SNX14: variants seen among roughly 807,000 people sequenced by gnomAD.
SNX14 encodes sorting nexin-14.
In SNX14, 93 loss-of-function variants were observed where a neutral mutation model predicts 133.8. The ratio of observed to expected loss-of-function variants is 0.70; its 90% confidence interval spans 0.59 to 0.83. SNX14 has a LOEUF of 0.83. Among genes scored for constraint, SNX14 ranks in the 40% least tolerant of loss-of-function variants. The probability of loss-of-function intolerance (pLI) is 0.00; values close to 1 mark genes in which losing one functional copy is unlikely to be tolerated. For synonymous variants in SNX14, 368 were observed against 365.6 expected, an observed-to-expected ratio of 1.01 and a Z score of -0.07; for missense variants, 945 against 1,094.9, an observed-to-expected ratio of 0.86 and a Z score of 1.93.
At position 85,518,035 on chromosome 6, in the gene SNX14, T is replaced by C. The variant is rs1450391712; in HGVS notation, c.2121A>G (p.Lys707=). 2 of 1,605,162 alleles carry C rather than the reference T, an allele frequency of 1.2e-6. No homozygotes were observed. The highest frequency in any genetic ancestry group is 1.7e-6 in the Non-Finnish European group (2 of 1,174,842). ...LPDVNLGKII[K]SVPGKLMKEK... ...CTTTCATTAGTTTTCCAGGAACAGA[T>C]TTTATAATTTTCCCTGCAATTAAAA... Residue 707 remains lysine (K), a synonymous_variant, in exon 22 of 29, where the codon AAA becomes AAG. Coordinates refer to ENST00000314673, the MANE Select transcript of SNX14 (RefSeq NM_153816.6).
At chr6:85,573,894 AC>A (rs2128201009) in intron 2 of SNX14, among the ~76,000 whole-genome samples, 1 of 152,320 alleles carries the variant, frequency 6.6e-6, no homozygotes, top group Non-Finnish European at 1.5e-5. Context: ...AATAGAGGAC[AC>A]CCTAAAATTG....
intron 7 of SNX14, among the ~76,000 whole-genome samples, chr6:85,557,196 C>T (rs1790066000): frequency 6.6e-6 from 1 of 152,046 alleles, no homozygotes. Context: ...AAACCACTGA[C>T]AAAAAAGAAT....
intron 7 of SNX14, among the ~76,000 whole-genome samples, chr6:85,556,891 A>G (rs1789978745): frequency 6.6e-6 from 1 of 152,208 alleles, no homozygotes; most frequent in Admixed American, 6.5e-5. Flanking sequence ...AAATAAACTA[A>G]TAATTTCATT....
At chr6:85,567,276 G>A (rs987082153) in intron 5 of SNX14, among the ~76,000 whole-genome samples, 1 of 152,158 alleles carries the variant, frequency 6.6e-6, no homozygotes, top group Non-Finnish European at 1.5e-5. Context: ...GTCATATCTG[G>A]CAACCTCTGA....
chr6:85,517,500 C>T (rs1330535808), intron 23 of SNX14: 1 of 279,642 alleles, frequency 3.6e-6, no homozygotes, highest in African/African-American at 2.2e-5. Context: ...AAGAAAACCA[C>T]TTTTAAAAAT....
chr6:85,533,607 C>T lies in SNX14; in HGVS notation c.1802G>A (p.Arg601Lys). ...VFCIDVERND[R>K]RAVGHEPEHW... is the part of the protein sequence containing the mutation. ...CTCAGAAAGCTTCCTACCTGCTCTT[C>T]TATCATTTCTTTCAACATCAATACA... The change falls in exon 18 of 29, where the codon AGA becomes AAA. Residue 601 changes from arginine to lysine, a missense_variant. Transcript: ENST00000314673. 6.2e-7 allele frequency: 1 copy of T among 1,612,796 alleles called. No homozygotes were observed.
Position 85,574,498 on chromosome 6 carries a change from C to T in SNX14, c.141-120G>A, listed in dbSNP as rs958765885. 32 of 621,040 alleles carry T rather than the reference C, an allele frequency of 5.2e-5. No homozygotes were observed. In the African/African-American group the frequency reaches 5.2e-4, roughly 10 times the overall value. 38.5% of individuals were successfully genotyped at this position (621,040 alleles called of 1,614,324 possible). ...ACAATATCAGATTGAAGCAATTTTTCAAATTATGATTAATTTTTTGTAATG... is the reference window on the plus strand; with the variant it reads ...ACAATATCAGATTGAAGCAATTTTTTAAATTATGATTAATTTTTTGTAATG... On this transcript the variant is annotated intron_variant, in intron 1 of 28. Transcript: ENST00000314673.
intron 16 of SNX14, among the ~76,000 whole-genome samples, chr6:85,537,739 A>C (rs1389227020): frequency 1.3e-5 from 2 of 152,222 alleles, no homozygotes; most frequent in East Asian, 3.8e-4. Context: ...ACCTGAGGTC[A>C]AGAGTTCGAG....
intron 28 of SNX14, among the ~76,000 whole-genome samples, chr6:85,506,351 C>G (rs544816465): frequency 3.4e-4 from 51 of 151,192 alleles, no homozygotes; most frequent in African/African-American, 1.2e-3. Flanking sequence ...GAGTCTCACT[C>G]TGTCACCCAG....
intron 1 of SNX14, among the ~76,000 whole-genome samples, chr6:85,578,303 A>G (rs1297438509): frequency 6.6e-6 from 1 of 152,224 alleles, no homozygotes; most frequent in Non-Finnish European, 1.5e-5. Flanking sequence ...GGTAACAAGA[A>G]TTAAAAGCCA....
chr6:85,567,213 T>C (rs966864754), intron 5 of SNX14, among the ~76,000 whole-genome samples: 10 of 152,224 alleles, frequency 6.6e-5, no homozygotes, highest in African/African-American at 1.4e-4. Context: ...AAATTATTAA[T>C]TGACTGATGC....
chr6:85,565,463 AC>A (rs1358797956), intron 5 of SNX14, 44 bp from the exon 6 acceptor site: 1 of 1,428,760 alleles, frequency 7.0e-7, no homozygotes, highest in Non-Finnish European at 9.6e-7. Context: ...TCAGAGAAAT[AC>A]AGTTTCACCT....
rs758854891 is a variant in SNX14, at chr6:85,505,946, T to C, written c.*21A>G. ...GCACAGCAGAAATTTCAATGGGTTA[T>C]TCTATACCAAATCCAAGTGTTTACA... On this transcript the variant is annotated 3_prime_UTR_variant, in exon 29 of 29. Transcript: ENST00000314673. 11 of 1,582,436 alleles carry C rather than the reference T, an allele frequency of 7.0e-6. No individual in the cohort carries two copies. Among genetic ancestry groups the C allele is most frequent in the Middle Eastern group, 3.3e-4 (2 of 5,980 alleles).
chr6:85,570,295 G>A (rs1412930722), intron 4 of SNX14, among the ~76,000 whole-genome samples: 1 of 148,318 alleles, frequency 6.7e-6, no homozygotes, highest in East Asian at 2.0e-4. Flanking sequence ...CCAGGTACTG[G>A]ACCAAGGGTT....
intron 16 of SNX14, among the ~76,000 whole-genome samples, chr6:85,538,618 G>A (rs1158548134): frequency 2.0e-5 from 3 of 152,022 alleles, no homozygotes; most frequent in Non-Finnish European, 4.4e-5. Flanking sequence ...AAAGTATCAG[G>A]ACATTTTTAT....
intron 1 of SNX14, among the ~76,000 whole-genome samples, chr6:85,580,811 T>C (rs1471715401): frequency 6.6e-6 from 1 of 152,138 alleles, no homozygotes; most frequent in African/African-American, 2.4e-5. Flanking sequence ...TCTTGTGGTA[T>C]AGGTGCCAGC....
intron 26 of SNX14, among the ~76,000 whole-genome samples, chr6:85,512,670 C>T (rs2127787654): frequency 6.6e-6 from 1 of 152,022 alleles, no homozygotes; most frequent in African/African-American, 2.4e-5. Context: ...GACTTGGTTC[C>T]CCTGGAGTTT....
intron 1 of SNX14, 112 bp downstream of exon 1, chr6:85,593,467 C>G: frequency 7.0e-7 from 1 of 1,434,168 alleles, no homozygotes; most frequent in Non-Finnish European, 9.2e-7. Context: ...TCGCTCTCCC[C>G]ACTGGTCCCC....
chr6:85,529,730 C>A (rs1455590050), intron 19 of SNX14, among the ~76,000 whole-genome samples: 1 of 152,106 alleles, frequency 6.6e-6, no homozygotes, highest in Non-Finnish European at 1.5e-5. Flanking sequence ...TCAATAAAAA[C>A]CAACCTGAAT....
Sources: gnomAD v4.1 joint callset for allele counts (sites outside exome capture counted in the v4.1 genomes callset) on GRCh38, gnomAD v4.1.1 for gene constraint, MANE v1.5 for transcripts, NCBI Gene and HGNC (gene_info 2026-07-23, HGNC 2026-07-21) for gene names.